ACTR3C: variants seen among roughly 807,000 people sequenced by gnomAD.
The protein encoded by ACTR3C is actin related protein 3C.
ACTR3C carries 18 observed loss-of-function variants against 26.3 expected under a neutral mutation model. The observed-to-expected ratio is 0.68, with a 90% CI of 0.47 to 1.01. The LOEUF (loss-of-function observed/expected upper bound fraction) is 1.01, where lower values mean the gene tolerates loss of function less well. ACTR3C is among the 50% of genes least tolerant of loss of function. The probability of loss-of-function intolerance (pLI) is 0.00; values close to 1 mark genes in which losing one functional copy is unlikely to be tolerated. For missense variants in ACTR3C, 184 were observed against 250.7 expected (o/e 0.73, Z 1.80); for synonymous variants, 55 against 94.5 (o/e 0.58, Z 2.42).
the ACTR3C span, among the ~76,000 whole-genome samples, chr7:150,198,177 G>A: frequency 1.3e-5 from 2 of 150,014 alleles, no homozygotes; most frequent in African/African-American, 2.5e-5. Context: ...GTGCAGTGGC[G>A]TGATCTCGGC....
At chr7:149,904,480 G>C in the ACTR3C span, among the ~76,000 whole-genome samples, 4 of 149,500 alleles carry the variant, frequency 2.7e-5, no homozygotes, top group African/African-American at 9.7e-5. Context: ...GCAGTGAGCT[G>C]AGACTGTGCC....
the ACTR3C span, among the ~76,000 whole-genome samples, chr7:150,050,408 A>T: frequency 6.6e-6 from 1 of 152,232 alleles, no homozygotes; most frequent in African/African-American, 2.4e-5. Context: ...TAAAAATTAT[A>T]TTCTCAAAGC....
In ACTR3C at chr7:150,282,216, G is replaced by C. The variant is rs1338414533; in HGVS notation, c.564+2537C>G. Among the ~76,000 whole-genome samples, 8 of 142,820 alleles carry C rather than the reference G, an allele frequency of 5.6e-5. 1 individual carries two copies. Among genetic ancestry groups the C allele is most frequent in the Non-Finnish European group, 1.2e-4 (8 of 66,860 alleles). 93.7% of individuals were successfully genotyped at this position (142,820 alleles called of 152,430 possible). On this transcript the variant is annotated intron_variant, in intron 6 of 7. Transcript: ENST00000683684. ...GGAGGGGTGGAATGGCGCACCAGCT[G>C]TCTCCTCCCCGGCAGCGGGGACCTG...
chr7:150,073,243 G>C, the ACTR3C span, among the ~76,000 whole-genome samples: 1 of 152,148 alleles, frequency 6.6e-6, no homozygotes, highest in African/African-American at 2.4e-5. Context: ...TCAGGAAGCC[G>C]CATGTTCCCA....
the ACTR3C span, among the ~76,000 whole-genome samples, chr7:150,201,182 A>G: frequency 2.5e-4 from 38 of 152,322 alleles, no homozygotes; most frequent in Admixed American, 2.5e-3. Context: ...AAGTTCTTAA[A>G]AGACCTCATG....
chr7:150,154,896 A>C, the ACTR3C span, among the ~76,000 whole-genome samples: 10 of 152,212 alleles, frequency 6.6e-5, no homozygotes, highest in African/African-American at 2.4e-4. Context: ...TGATATTAAC[A>C]AAATCTACAA....
chr7:150,161,273 G>C, the ACTR3C span, among the ~76,000 whole-genome samples: 145 of 139,826 alleles, frequency 1.0e-3, 1 homozygote, highest in African/African-American at 3.8e-3. Context: ...ATGCAGGTTT[G>C]TTACATATGT....
the ACTR3C span, among the ~76,000 whole-genome samples, chr7:150,180,567 C>T: frequency 7.0e-6 from 1 of 142,042 alleles, no homozygotes; most frequent in Admixed American, 6.9e-5. Context: ...GGCTGGAGTG[C>T]AGTGGCGCGG....
the ACTR3C span, among the ~76,000 whole-genome samples, chr7:150,038,014 C>A: frequency 5.0e-4 from 69 of 138,168 alleles, 6 homozygotes; most frequent in East Asian, 6.8e-3. Flanking sequence ...TGCCTCCCCC[C>A]CTGCTATGGT....
the ACTR3C span, among the ~76,000 whole-genome samples, chr7:150,219,139 T>C: frequency 6.7e-6 from 1 of 148,240 alleles, no homozygotes; most frequent in Non-Finnish European, 1.5e-5. Context: ...GTGAATCCAA[T>C]ATCATTACTC....
At chr7:150,026,919 T>C in the ACTR3C span, among the ~76,000 whole-genome samples, 2 of 152,150 alleles carry the variant, frequency 1.3e-5, no homozygotes, top group Admixed American at 1.3e-4. Flanking sequence ...CATAAAATAA[T>C]AGATGTATCA....
At chr7:150,232,484 G>A in the ACTR3C span, among the ~76,000 whole-genome samples, 1 of 149,786 alleles carries the variant, frequency 6.7e-6, no homozygotes, top group Non-Finnish European at 1.5e-5. Flanking sequence ...AGGACATTTT[G>A]CACAATTTTA....
At chr7:150,105,411 G>T in the ACTR3C span, among the ~76,000 whole-genome samples, 1 of 151,774 alleles carries the variant, frequency 6.6e-6, no homozygotes, top group Non-Finnish European at 1.5e-5. Flanking sequence ...GAACTCACGG[G>T]ATAAACTGTC....
At chr7:149,918,834 G>C in the ACTR3C span, among the ~76,000 whole-genome samples, 28 of 152,324 alleles carry the variant, frequency 1.8e-4, no homozygotes, top group Non-Finnish European at 1.3e-4. Flanking sequence ...AAGACAGCAG[G>C]GGCAAGAGCT....
intron 4 of ACTR3C, among the ~76,000 whole-genome samples, 160 bp from the exon 5 acceptor site, chr7:150,286,700 C>T (rs987703851): frequency 6.6e-5 from 10 of 151,590 alleles, no homozygotes; most frequent in East Asian, 5.8e-4. Context: ...CACATTCCAT[C>T]GTCTTTCATG....
At chr7:149,953,262 T>C in the ACTR3C span, among the ~76,000 whole-genome samples, 57 of 149,616 alleles carry the variant, frequency 3.8e-4, 1 homozygote, top group Admixed American at 3.6e-3. Flanking sequence ...TAGAGCTAAG[T>C]TGGACTACAG....
At chr7:150,180,949 C>G in the ACTR3C span, among the ~76,000 whole-genome samples, 1 of 151,294 alleles carries the variant, frequency 6.6e-6, no homozygotes, top group African/African-American at 2.5e-5. Flanking sequence ...ATATGCAATC[C>G]CTCATTTACT....
chr7:150,190,739 A>G, the ACTR3C span, among the ~76,000 whole-genome samples: 1 of 152,206 alleles, frequency 6.6e-6, no homozygotes, highest in Admixed American at 6.5e-5. Context: ...TGCTGCTAAC[A>G]AAGACATACC....
the ACTR3C span, among the ~76,000 whole-genome samples, chr7:150,044,092 T>A: frequency 6.6e-6 from 1 of 152,186 alleles, no homozygotes; most frequent in South Asian, 2.1e-4. Context: ...AGAAGCCACA[T>A]GTCACTGAAA....
Sources: gnomAD v4.1 joint callset for allele counts (sites outside exome capture counted in the v4.1 genomes callset) on GRCh38, gnomAD v4.1.1 for gene constraint, MANE v1.5 for transcripts, NCBI Gene and HGNC (gene_info 2026-07-23, HGNC 2026-07-21) for gene names.